The following TTC28 variants were observed in gnomAD, a reference collection of about 807,000 sequenced individuals.
The protein encoded by TTC28 is tetratricopeptide repeat domain 28.
In TTC28, 61 loss-of-function variants were observed where a neutral mutation model predicts 198.0. The observed-to-expected ratio is 0.31, with a 90% CI of 0.25 to 0.38. The LOEUF (loss-of-function observed/expected upper bound fraction) is 0.38, where lower values mean the gene tolerates loss of function less well. Ranked by LOEUF, TTC28 falls within the 10% of genes least tolerant of loss-of-function variation. The pLI is 1.00. For missense variants in TTC28, 2,678 were observed against 3,164.0 expected (o/e 0.85, Z 3.69); for synonymous variants, 1,171 against 1,297.8 (o/e 0.90, Z 2.10).
chr22:28,020,844 G>A (rs1938566156), intron 13 of TTC28, among the ~76,000 whole-genome samples: 1 of 152,024 alleles, frequency 6.6e-6, no homozygotes. Flanking sequence ...ACTCTGAGGT[G>A]GAGAGTGAAA....
At chr22:28,215,821 G>A (rs1208228636) in intron 5 of TTC28, among the ~76,000 whole-genome samples, 2 of 152,142 alleles carry the variant, frequency 1.3e-5, no homozygotes, top group Admixed American at 6.6e-5. Flanking sequence ...TAAATCATTA[G>A]GAATGGTGCA....
At chr22:28,177,642 G>C (rs1923291491) in intron 5 of TTC28, among the ~76,000 whole-genome samples, 1 of 152,126 alleles carries the variant, frequency 6.6e-6, no homozygotes, top group South Asian at 2.1e-4. Flanking sequence ...ATAAACTGTG[G>C]GATATCCATA....
chr22:28,211,387 C>G lies in TTC28; in HGVS notation c.934-47788G>C, dbSNP rs545677130. Among the ~76,000 whole-genome samples, 346 of 152,220 alleles carry G rather than the reference C, an allele frequency of 2.3e-3. 2 individuals carry two copies. The highest frequency in any genetic ancestry group is 4.1e-3 in the Non-Finnish European group (278 of 68,012). On this transcript the variant is annotated intron_variant, in intron 5 of 22. Coordinates refer to ENST00000397906, the MANE Select transcript of TTC28 (RefSeq NM_001145418.2). ...ATCAGTGTGCTGTATTCAGGAGACCCATCTCACATGCAGACACACACATAG... is the reference window on the plus strand; with the variant it reads ...ATCAGTGTGCTGTATTCAGGAGACCGATCTCACATGCAGACACACACATAG...
rs372704925 is a variant in TTC28 at position 28,119,114 on chromosome 22, AT to A, written c.1442-10712del. Among the ~76,000 whole-genome samples, 142 of 152,272 alleles carry A rather than the reference AT, an allele frequency of 9.3e-4. 1 individual carries two copies. The highest frequency in any genetic ancestry group is 3.2e-3 in the African/African-American group (135 of 41,544). ...TGCCAGTTATGTGGCACAGTGCTTTATGGTTGAAAGGCACTGTGAGCAGAAT... is the reference window on the plus strand; with the variant it reads ...TGCCAGTTATGTGGCACAGTGCTTTAGGTTGAAAGGCACTGTGAGCAGAAT... On this transcript the variant is annotated intron_variant, in intron 6 of 22. Transcript: ENST00000397906.
At chr22:28,247,411 C>G (rs1006118756) in intron 5 of TTC28, among the ~76,000 whole-genome samples, 9 of 152,134 alleles carry the variant, frequency 5.9e-5, no homozygotes, top group Non-Finnish European at 1.3e-4. Flanking sequence ...CAACTCAGCT[C>G]AAGAATCACT....
At chr22:28,461,345 C>A (rs1475431666) in intron 2 of TTC28, among the ~76,000 whole-genome samples, 1 of 152,168 alleles carries the variant, frequency 6.6e-6, no homozygotes, top group Non-Finnish European at 1.5e-5. Flanking sequence ...TCTCTCTTTC[C>A]ATTAGACCGT....
chr22:28,467,484 G>T (rs1388742972), intron 2 of TTC28, among the ~76,000 whole-genome samples: 1 of 152,058 alleles, frequency 6.6e-6, no homozygotes, highest in Non-Finnish European at 1.5e-5. Flanking sequence ...TGATTTGTTG[G>T]CATCTACCTC....
chr22:28,111,714 T>G (rs1942486309), intron 6 of TTC28, among the ~76,000 whole-genome samples: 1 of 151,324 alleles, frequency 6.6e-6, no homozygotes, highest in African/African-American at 2.4e-5. Flanking sequence ...CAATCATGCC[T>G]TTGCAGTGAT....
chr22:28,022,153 C>T (rs1375489266), intron 13 of TTC28, among the ~76,000 whole-genome samples: 7 of 152,222 alleles, frequency 4.6e-5, no homozygotes, highest in African/African-American at 1.2e-4. Context: ...TCTGGGGAGC[C>T]GAAGGCCTGG....
At chr22:28,232,903 C>A (rs1329879767) in intron 5 of TTC28, 2 of 152,032 alleles carry the variant, frequency 1.3e-5, no homozygotes, top group Non-Finnish European at 2.9e-5. Flanking sequence ...GAGTTCAAGA[C>A]CAGCCTGGCC....
chr22:28,616,719 C>T (rs1004166296), intron 2 of TTC28, among the ~76,000 whole-genome samples: 3 of 151,980 alleles, frequency 2.0e-5, no homozygotes, highest in Non-Finnish European at 4.4e-5. Context: ...TAGTGGCATG[C>T]GCCTGCAGTC....
chr22:28,080,739 C>G (rs1351465827), intron 12 of TTC28, among the ~76,000 whole-genome samples: 1 of 152,162 alleles, frequency 6.6e-6, no homozygotes, highest in Non-Finnish European at 1.5e-5. Context: ...CTTTCTGTAT[C>G]ATAACCAATA....
chr22:28,128,822 G>A (rs1172682247), intron 6 of TTC28, among the ~76,000 whole-genome samples: 6 of 152,270 alleles, frequency 3.9e-5, no homozygotes, highest in Middle Eastern at 3.4e-3. Flanking sequence ...TTACAGGTGT[G>A]AGCCACTACA....
At chr22:28,225,368 A>AAAGAAGAAGAAGAAGAAGAAGAAG (rs148306183) in intron 5 of TTC28, among the ~76,000 whole-genome samples, 211 of 143,162 alleles carry the variant, frequency 1.5e-3, no homozygotes, top group Middle Eastern at 3.5e-3. Flanking sequence ...AAAAAAAAGA[A>AAAGAAGAAGAAGAAGAAGAAGAAG]AAGAAGAAGA....
At chr22:28,399,301 A>C (rs1194611647) in intron 2 of TTC28, among the ~76,000 whole-genome samples, 1 of 149,550 alleles carries the variant, frequency 6.7e-6, no homozygotes, top group Non-Finnish European at 1.5e-5. Flanking sequence ...TGTTTGTATA[A>C]GTTGAGACTA....
intron 2 of TTC28, among the ~76,000 whole-genome samples, chr22:28,553,132 C>A (rs575791711): frequency 3.3e-5 from 5 of 152,192 alleles, no homozygotes; most frequent in African/African-American, 7.2e-5. Context: ...GATCTCCGCT[C>A]GCTGCAACCT....
intron 5 of TTC28, among the ~76,000 whole-genome samples, chr22:28,266,321 A>C (rs1241865138): frequency 6.6e-6 from 1 of 152,154 alleles, no homozygotes; most frequent in Non-Finnish European, 1.5e-5. Flanking sequence ...CTTTCTCAAA[A>C]GGAATCACAG....
intron 12 of TTC28, among the ~76,000 whole-genome samples, chr22:28,085,316 G>A (rs1941541394): frequency 2.0e-5 from 3 of 152,162 alleles, no homozygotes; most frequent in Admixed American, 1.3e-4. Flanking sequence ...TGATCTCTCA[G>A]CAGAAACTCT....
chr22:28,288,343 C>T (rs1481195233), intron 5 of TTC28, among the ~76,000 whole-genome samples: 1 of 152,108 alleles, frequency 6.6e-6, no homozygotes, highest in African/African-American at 2.4e-5. Flanking sequence ...TTGGTATAAC[C>T]ACTTTGGGAA....
Sources: gnomAD v4.1 joint callset for allele counts (sites outside exome capture counted in the v4.1 genomes callset) on GRCh38, gnomAD v4.1.1 for gene constraint, MANE v1.5 for transcripts, NCBI Gene and HGNC (gene_info 2026-07-23, HGNC 2026-07-21) for gene names.